The following POC1B variants were observed in gnomAD, a reference collection of about 807,000 sequenced individuals.
POC1B encodes the protein POC1 centriolar protein homolog B.
POC1B carries 44 observed loss-of-function variants against 60.6 expected under a neutral mutation model. The ratio of observed to expected loss-of-function variants is 0.73; its 90% CI spans 0.57 to 0.93. The LOEUF (loss-of-function observed/expected upper bound fraction) is 0.93. Among genes scored for constraint, POC1B ranks in the 40% least tolerant of loss-of-function variants. POC1B has a pLI of 0.00. For synonymous variants in POC1B, 180 were observed against 198.9 expected (o/e 0.90, Z 0.80); for missense variants, 555 against 572.3 (o/e 0.97, Z 0.31).
At chr12:89,406,097 C>A in the POC1B span, among the ~76,000 whole-genome samples, 1 of 151,556 alleles carries the variant, frequency 6.6e-6, no homozygotes, top group East Asian at 1.9e-4. Context: ...CCTGAGGCAC[C>A]AGCAGACTTC....
chr12:89,515,268 C>T (rs1311601315), intron 2 of POC1B, among the ~76,000 whole-genome samples: 1 of 152,032 alleles, frequency 6.6e-6, no homozygotes, highest in African/African-American at 2.4e-5. Context: ...AGTGGAAACA[C>T]AGACAAATAT....
intron 10 of POC1B, among the ~76,000 whole-genome samples, chr12:89,435,741 C>T (rs951028755): frequency 6.6e-6 from 1 of 151,784 alleles, no homozygotes; most frequent in Admixed American, 6.6e-5. Flanking sequence ...AAATGGCCCA[C>T]CAAAAATAAC....
the POC1B span, among the ~76,000 whole-genome samples, chr12:89,411,292 A>G: frequency 6.6e-6 from 1 of 152,202 alleles, no homozygotes; most frequent in Non-Finnish European, 1.5e-5. Flanking sequence ...TATGGAACCA[A>G]AAAAAACCCA....
intron 10 of POC1B, among the ~76,000 whole-genome samples, chr12:89,457,301 AT>A (rs1277228131): frequency 2.0e-5 from 3 of 152,114 alleles, no homozygotes; most frequent in Non-Finnish European, 4.4e-5. Flanking sequence ...ATTTACCACT[AT>A]ATTAATGGAA....
chr12:89,464,586 C>G (rs1033461906), intron 9 of POC1B, among the ~76,000 whole-genome samples: 1 of 139,570 alleles, frequency 7.2e-6, no homozygotes, highest in African/African-American at 2.7e-5. Flanking sequence ...CTCCCAGGTT[C>G]AAGCGATTCT....
At chr12:89,455,229 G>C (rs1325064148) in intron 10 of POC1B, among the ~76,000 whole-genome samples, 1 of 152,162 alleles carries the variant, frequency 6.6e-6, no homozygotes, top group African/African-American at 2.4e-5. Context: ...GAGCTACTCA[G>C]GAAGCTGAGG....
intron 2 of POC1B, chr12:89,522,757 G>A (rs1870991287): frequency 6.6e-7 from 1 of 1,517,774 alleles, no homozygotes; most frequent in East Asian, 2.3e-5. Flanking sequence ...AGGCTCTTAA[G>A]GCTCTTTGAC....
At chr12:89,479,557 T>TA (rs1415431694) in intron 4 of POC1B, among the ~76,000 whole-genome samples, 1 of 151,620 alleles carries the variant, frequency 6.6e-6, no homozygotes, top group Non-Finnish European at 1.5e-5. Context: ...ACCTTATTTA[T>TA]TTAAATTAAC....
At chr12:89,515,846 A>G (rs75929616) in intron 2 of POC1B, among the ~76,000 whole-genome samples, 3,276 of 152,206 alleles carry the variant, frequency 0.022, 54 homozygotes, top group Non-Finnish European at 0.034. Flanking sequence ...TCACTTCACT[A>G]ACCAATTTAT....
intron 10 of POC1B, among the ~76,000 whole-genome samples, chr12:89,439,564 A>C (rs1300225504): frequency 6.6e-6 from 1 of 152,186 alleles, no homozygotes; most frequent in Non-Finnish European, 1.5e-5. Flanking sequence ...CACACTGTCC[A>C]TGAATCATAT....
intron 4 of POC1B, among the ~76,000 whole-genome samples, chr12:89,477,564 T>C (rs1157305980): frequency 6.6e-6 from 1 of 152,050 alleles, no homozygotes; most frequent in Non-Finnish European, 1.5e-5. Flanking sequence ...AGTGTTTTCT[T>C]TCTTAGTAAA....
chr12:89,424,635 A>G (rs539762746), intron 11 of POC1B, among the ~76,000 whole-genome samples: 1 of 152,296 alleles, frequency 6.6e-6, no homozygotes, highest in South Asian at 2.1e-4. Context: ...CTTCCCTTAA[A>G]TTATGTCTGT....
the POC1B span, among the ~76,000 whole-genome samples, chr12:89,412,181 C>T: frequency 6.6e-6 from 1 of 152,144 alleles, no homozygotes; most frequent in African/African-American, 2.4e-5. Context: ...GGACTGTTCC[C>T]CCTCCGTATC....
rs1394259579 is a variant in POC1B at position 89,419,807 on chromosome 12, A to G, written c.*1346T>C. The G allele has an allele frequency of 1.3e-5, 2 of 152,218 alleles. No individual in the cohort carries two copies. The highest frequency in any genetic ancestry group is 2.9e-5 in the Non-Finnish European group (2 of 68,038). The allele number at this position is 152,218 out of a possible 1,614,324, so 9.4% of individuals were successfully genotyped here. On this transcript the variant is annotated 3_prime_UTR_variant, in exon 12 of 12. Coordinates refer to ENST00000313546, the MANE Select transcript of POC1B (RefSeq NM_172240.3). ...TTTCATTTCTTACTTAGTCTTCTCA[A>G]TGGGGTTATAAAAATACAATGCCAC...
At chr12:89,441,553 C>T (rs1248114255) in intron 10 of POC1B, among the ~76,000 whole-genome samples, 1 of 152,158 alleles carries the variant, frequency 6.6e-6, no homozygotes, top group Non-Finnish European at 1.5e-5. Flanking sequence ...AGCTGAGGGT[C>T]CTGACTGTTA....
At chr12:89,471,968 A>G (rs930060318) in intron 5 of POC1B, among the ~76,000 whole-genome samples, 200 bp downstream of exon 5, 4 of 151,976 alleles carry the variant, frequency 2.6e-5, no homozygotes, top group African/African-American at 9.7e-5. Context: ...GGGTTTCACT[A>G]TGTTGGTCAG....
downstream of POC1B, among the ~76,000 whole-genome samples, chr12:89,417,090 G>C (rs1370549518): frequency 6.6e-6 from 1 of 152,028 alleles, no homozygotes; most frequent in Non-Finnish European, 1.5e-5. Context: ...TTCACTAATT[G>C]AACTTCCTAT....
intron 7 of POC1B, among the ~76,000 whole-genome samples, chr12:89,469,687 G>A (rs1222166442): frequency 1.3e-5 from 2 of 152,044 alleles, no homozygotes; most frequent in East Asian, 1.9e-4. Flanking sequence ...TGGGTGTCAG[G>A]GCTAAGCGGG....
At chr12:89,406,295 G>A in the POC1B span, among the ~76,000 whole-genome samples, 1 of 152,112 alleles carries the variant, frequency 6.6e-6, no homozygotes, top group Non-Finnish European at 1.5e-5. Flanking sequence ...ACTTTTTAGA[G>A]AAAGTTTGGA....
Sources: allele counts gnomAD v4.1 joint callset (sites outside exome capture counted in the v4.1 genomes callset), GRCh38; gene constraint gnomAD v4.1.1; transcripts MANE v1.5; gene names NCBI Gene and HGNC (gene_info 2026-07-23, HGNC 2026-07-21).